The following PRKN variants were observed in gnomAD, a reference collection of about 807,000 sequenced individuals.
The protein encoded by PRKN is E3 ubiquitin-protein ligase parkin.
PRKN carries 56 observed loss-of-function variants against 59.5 expected under a neutral mutation model. That is an observed-to-expected ratio of 0.94 (90% CI 0.76 to 1.18). The LOEUF (loss-of-function observed/expected upper bound fraction) is 1.18. Ranked by LOEUF, PRKN falls within the 50% of genes most tolerant of loss-of-function variation. The probability of loss-of-function intolerance (pLI) is 0.00; values close to 1 mark genes in which losing one functional copy is unlikely to be tolerated. For synonymous variants in PRKN, 250 were observed against 222.1 expected (o/e 1.13, Z -1.12); for missense variants, 657 against 596.4 (o/e 1.10, Z -1.06).
chr6:162,133,202 G>A (rs1408604588), intron 4 of PRKN, among the ~76,000 whole-genome samples: 1 of 152,210 alleles, frequency 6.6e-6, no homozygotes, highest in Non-Finnish European at 1.5e-5. Context: ...GACTGGGCAG[G>A]AGGCTGCTGC....
chr6:162,187,518 C>T (rs967595895), intron 4 of PRKN, among the ~76,000 whole-genome samples: 2 of 152,000 alleles, frequency 1.3e-5, no homozygotes, highest in Admixed American at 6.6e-5. Context: ...GGAGGATGCC[C>T]CCCACCCCAA....
At position 161,751,049 on chromosome 6, in the gene PRKN, A is replaced by G. The variant is rs1479707192; in HGVS notation, c.871+34723T>C. Among the ~76,000 whole-genome samples, 7 of 152,330 alleles carry G rather than the reference A, an allele frequency of 4.6e-5. No individual in the cohort carries two copies. In the East Asian group the frequency reaches 7.7e-4, roughly 17 times the overall value. On this transcript the variant is annotated intron_variant, in intron 7 of 11. Coordinates refer to ENST00000366898, the MANE Select transcript of PRKN (RefSeq NM_004562.3). ...CTAAATATCATATACATTTTCTTTC[A>G]CTTCATTGGTGATGAGCCATTAATA...
At chr6:161,687,360 G>A (rs1175318299) in intron 7 of PRKN, among the ~76,000 whole-genome samples, 2 of 103,460 alleles carry the variant, frequency 1.9e-5, no homozygotes, top group African/African-American at 7.8e-5. Context: ...CTGCATTCCA[G>A]CCTGGGAGAC....
intron 2 of PRKN, among the ~76,000 whole-genome samples, chr6:162,310,600 T>C (rs561916797): frequency 6.9e-6 from 1 of 145,752 alleles, no homozygotes; most frequent in South Asian, 2.2e-4. Context: ...AATTGTGGGG[T>C]GGGGGGAGCG....
chr6:162,621,814 T>G (rs1782678251), intron 1 of PRKN, among the ~76,000 whole-genome samples: 2 of 152,252 alleles, frequency 1.3e-5, no homozygotes, highest in Non-Finnish European at 1.5e-5. Flanking sequence ...TTCAATTTAT[T>G]TATTTATTTT....
At chr6:162,314,103 T>C (rs1043417122) in intron 2 of PRKN, among the ~76,000 whole-genome samples, 1 of 152,130 alleles carries the variant, frequency 6.6e-6, no homozygotes, top group Non-Finnish European at 1.5e-5. Flanking sequence ...GCTTGCTCTC[T>C]GAGGTGTGTC....
chr6:162,622,951 A>G (rs542888014), intron 1 of PRKN, among the ~76,000 whole-genome samples: 21 of 152,318 alleles, frequency 1.4e-4, no homozygotes, highest in African/African-American at 5.1e-4. Context: ...CCAATGCTCA[A>G]TGTAGGATTT....
chr6:161,484,023 G>A lies in PRKN; in HGVS notation c.1083+64831C>T, dbSNP rs1032683849. On this transcript the variant is annotated intron_variant, in intron 9 of 11. Transcript: ENST00000366898. This position sits in a 1 kb window ranked among gnomAD's most constrained non-coding sequence, Gnocchi z 4.9. Reference sequence around the variant, plus strand: ...GGAACAACACACACTGGGGCCTGCTGGGGGGTTGTGGGGAGGGAGAGCATC... The same window carrying A: ...GGAACAACACACACTGGGGCCTGCTAGGGGGTTGTGGGGAGGGAGAGCATC... Among the ~76,000 whole-genome samples, 4 of 152,068 alleles carry A rather than the reference G, an allele frequency of 2.6e-5. No individual in the cohort carries two copies. Among genetic ancestry groups the A allele is most frequent in the African/African-American group, 9.7e-5 (4 of 41,398 alleles).
chr6:162,121,765 T>G (rs1374658981), intron 4 of PRKN, among the ~76,000 whole-genome samples: 1 of 152,192 alleles, frequency 6.6e-6, no homozygotes, highest in Admixed American at 6.5e-5. Context: ...GCTGCATCTC[T>G]GCTGGCTCAG....
intron 1 of PRKN, among the ~76,000 whole-genome samples, chr6:162,681,254 T>TA (rs1423181062): frequency 2.6e-4 from 39 of 152,288 alleles, no homozygotes; most frequent in African/African-American, 9.1e-4. Flanking sequence ...TATAAGTTAT[T>TA]AAAATAGATA....
At chr6:161,368,976 G>C (rs1450177126) in intron 10 of PRKN, among the ~76,000 whole-genome samples, 2 of 152,158 alleles carry the variant, frequency 1.3e-5, no homozygotes, top group East Asian at 3.9e-4. Flanking sequence ...GATCCACGGG[G>C]AGGGAGGGGA....
chr6:162,114,113 T>C (rs573783943), intron 4 of PRKN, among the ~76,000 whole-genome samples: 2 of 151,842 alleles, frequency 1.3e-5, no homozygotes, highest in East Asian at 3.9e-4. Flanking sequence ...TTTTGGTTAC[T>C]GTAGCCTTGT....
At chr6:161,430,152 G>C (rs73606952) in intron 9 of PRKN, among the ~76,000 whole-genome samples, 1,770 of 152,248 alleles carry the variant, frequency 0.012, 28 homozygotes, top group African/African-American at 0.04. Context: ...TCAACAGAGG[G>C]AGACATTGTC....
chr6:161,506,372 A>G (rs1476119934), intron 9 of PRKN, among the ~76,000 whole-genome samples: 1 of 152,064 alleles, frequency 6.6e-6, no homozygotes, highest in African/African-American at 2.4e-5. Flanking sequence ...TTGTACATTG[A>G]TTTTGTATCC....
At chr6:162,382,291 T>C (rs1562718352) in intron 2 of PRKN, among the ~76,000 whole-genome samples, 1 of 152,120 alleles carries the variant, frequency 6.6e-6, no homozygotes, top group Non-Finnish European at 1.5e-5. Context: ...TCCAATTAAA[T>C]ACATTTCCTG....
intron 1 of PRKN, among the ~76,000 whole-genome samples, chr6:162,470,595 A>G (rs1791682350): frequency 6.6e-6 from 1 of 152,182 alleles, no homozygotes; most frequent in African/African-American, 2.4e-5. Flanking sequence ...TGTCTCAAAA[A>G]AAAGTATGCT....
intron 3 of PRKN, among the ~76,000 whole-genome samples, chr6:162,257,438 T>C (rs747185269): frequency 7.2e-5 from 11 of 152,202 alleles, no homozygotes; most frequent in Non-Finnish European, 1.2e-4. Flanking sequence ...ATCTACTTTC[T>C]AACCAAAACA....
At chr6:162,279,590 T>G (rs188673765) in intron 2 of PRKN, among the ~76,000 whole-genome samples, 1 of 152,150 alleles carries the variant, frequency 6.6e-6, no homozygotes, top group East Asian at 1.9e-4. Flanking sequence ...TGCTGAGGAG[T>G]GTTTTACTTC....
rs949479970 is a variant in PRKN at position 161,350,195 on chromosome 6, C to T, written c.1302G>A (p.Met434Ile). 1.1e-5 allele frequency: 18 copies of T among 1,613,112 alleles called. No individual in the cohort carries two copies. The Middle Eastern group carries it at 1.8e-3, about 163-fold the overall frequency. Residue 434 changes from methionine (M) to isoleucine (I), a missense_variant, in exon 12 of 12, where the codon ATG (methionine) becomes ATA (isoleucine). Physicochemically the swap from Met to Ile is conservative, Grantham distance 10. Coordinates refer to ENST00000366898, the MANE Select transcript of PRKN (RefSeq NM_004562.3). ...PVEKNGGCMH[M>I]KCPQPQCRLE... ...GCCTGCACTGGGGCTGCGGACACTT[C>T]ATGTGCATGCAGCCTCCTGTTGGGG...
Sources: allele counts gnomAD v4.1 joint callset (sites outside exome capture counted in the v4.1 genomes callset), GRCh38; gene constraint gnomAD v4.1.1; non-coding constraint Gnocchi (gnomAD v3.1); transcripts MANE v1.5; gene names NCBI Gene and HGNC (gene_info 2026-07-23, HGNC 2026-07-21).